Variants in LDLRAD3 observed in about 807,000 individuals in gnomAD.
LDLRAD3 encodes the protein low density lipoprotein receptor class A domain containing 3, also known as low-density lipoprotein receptor class A domain-containing protein 3.
Under a neutral mutation model 29.4 loss-of-function variants are expected in LDLRAD3, and 20 were observed. The observed-to-expected ratio is 0.68, with a 90% CI of 0.48 to 0.99. LDLRAD3 has a LOEUF of 0.99. Among genes scored for constraint, LDLRAD3 ranks in the 50% least tolerant of loss-of-function variants. LDLRAD3 has a pLI of 0.00. For synonymous variants in LDLRAD3, 157 were observed against 192.7 expected, an observed-to-expected ratio of 0.81 and a Z score of 1.53; for missense variants, 420 against 454.3, an observed-to-expected ratio of 0.92 and a Z score of 0.69.
intron 2 of LDLRAD3, among the ~76,000 whole-genome samples, chr11:36,047,066 T>A (rs1451577821): frequency 6.6e-6 from 1 of 152,100 alleles, no homozygotes; most frequent in African/African-American, 2.4e-5. Flanking sequence ...AGGGGGCTGC[T>A]GTGGACTAAG....
At chr11:36,034,887 T>A (rs1176866433) in intron 1 of LDLRAD3, among the ~76,000 whole-genome samples, 2 of 152,206 alleles carry the variant, frequency 1.3e-5, no homozygotes, top group African/African-American at 4.8e-5. Context: ...GATAGTGGCC[T>A]GTAGGAGGAT....
chr11:35,972,432 G>A (rs541727632), intron 1 of LDLRAD3: 23 of 151,768 alleles, frequency 1.5e-4, no homozygotes, highest in Admixed American at 9.2e-4. Flanking sequence ...TTAATCGTTT[G>A]TTTTCAAATT....
At chr11:36,062,969 G>A (rs978470592) in intron 2 of LDLRAD3, among the ~76,000 whole-genome samples, 1 of 152,158 alleles carries the variant, frequency 6.6e-6, no homozygotes, top group African/African-American at 2.4e-5. Context: ...AAGAAAACAG[G>A]AACTGGGAAA....
chr11:36,215,601 C>T (rs772927640), intron 4 of LDLRAD3, among the ~76,000 whole-genome samples: 1 of 152,158 alleles, frequency 6.6e-6, no homozygotes, highest in South Asian at 2.1e-4. Flanking sequence ...AGCCCAGTGT[C>T]TGGAGAACAA....
intron 1 of LDLRAD3, among the ~76,000 whole-genome samples, chr11:35,953,259 G>T (rs1217168479): frequency 6.6e-6 from 1 of 152,170 alleles, no homozygotes; most frequent in Admixed American, 6.5e-5. Context: ...AGCGGCCACG[G>T]GGAGGGAGGG....
chr11:36,130,330 G>A (rs1211094930), intron 4 of LDLRAD3, among the ~76,000 whole-genome samples: 1 of 152,198 alleles, frequency 6.6e-6, no homozygotes, highest in African/African-American at 2.4e-5. Context: ...GGGCTGACGG[G>A]ATAGAACTCA....
chr11:35,993,922 T>A (rs1328448024), intron 1 of LDLRAD3, among the ~76,000 whole-genome samples: 2 of 152,154 alleles, frequency 1.3e-5, no homozygotes, highest in African/African-American at 2.4e-5. Context: ...AATATTTGCT[T>A]CTCCAGGAAG....
At chr11:36,143,049 A>T (rs1854109990) in intron 4 of LDLRAD3, among the ~76,000 whole-genome samples, 1 of 152,266 alleles carries the variant, frequency 6.6e-6, no homozygotes, top group Non-Finnish European at 1.5e-5. Flanking sequence ...GGTAGGCACT[A>T]TGCTAAGTGC....
intron 2 of LDLRAD3, among the ~76,000 whole-genome samples, chr11:36,044,182 C>G (rs1228801052): frequency 6.6e-6 from 1 of 150,594 alleles, no homozygotes; most frequent in Non-Finnish European, 1.5e-5. Flanking sequence ...CACCTATTTT[C>G]TCATCTGTAA....
In LDLRAD3 at chr11:36,076,204, TTGTC is replaced by T. The variant is rs1852996107; in HGVS notation, c.194-5440_194-5437del. On this transcript the variant is annotated intron_variant, in intron 2 of 5. Coordinates refer to ENST00000315571, the MANE Select transcript of LDLRAD3 (RefSeq NM_174902.4). ...CATACACACAAGTCAATATTTATTT[TTGTC>T]TGTCTGTCCATCCGTCCATCCATCC... Among the ~76,000 whole-genome samples the T allele has an allele frequency of 4.2e-5, 6 of 143,866 alleles. No homozygotes were observed. The South Asian group carries it at 6.8e-4, about 16-fold the overall frequency. 94.4% of individuals were successfully genotyped at this position (143,866 alleles called of 152,430 possible).
At chr11:35,967,956 C>T (rs919126406) in intron 1 of LDLRAD3, 1 of 396,300 alleles carries the variant, frequency 2.5e-6, no homozygotes, top group East Asian at 7.0e-5. Context: ...CAGGTGAAAT[C>T]CTGAAAAAGT....
At chr11:35,994,126 G>A (rs754629595) in intron 1 of LDLRAD3, among the ~76,000 whole-genome samples, 2 of 151,794 alleles carry the variant, frequency 1.3e-5, no homozygotes, top group Non-Finnish European at 2.9e-5. Flanking sequence ...GCAGGGTTCC[G>A]GGAGCCTACC....
intron 4 of LDLRAD3, among the ~76,000 whole-genome samples, chr11:36,183,185 A>G (rs966503404): frequency 5.9e-5 from 9 of 152,220 alleles, no homozygotes; most frequent in African/African-American, 2.2e-4. Flanking sequence ...CCCTAGACAC[A>G]CGGTGTTAGT....
chr11:36,067,320 GCTGGATAAT>G (rs1852810736), intron 2 of LDLRAD3, among the ~76,000 whole-genome samples: 1 of 152,062 alleles, frequency 6.6e-6, no homozygotes, highest in Non-Finnish European at 1.5e-5. Flanking sequence ...GTATAATAAT[GCTGGATAAT>G]CTGTAACACT....
chr11:35,956,964 T>C (rs1445807077), intron 1 of LDLRAD3, among the ~76,000 whole-genome samples: 2 of 152,226 alleles, frequency 1.3e-5, no homozygotes, highest in African/African-American at 4.8e-5. Flanking sequence ...CTCGATCTCC[T>C]GACCTCGTGA....
At chr11:36,053,341 A>G (rs1166542399) in intron 2 of LDLRAD3, among the ~76,000 whole-genome samples, 2 of 152,068 alleles carry the variant, frequency 1.3e-5, no homozygotes, top group Admixed American at 1.3e-4. Flanking sequence ...CTATCATAGC[A>G]TGAGAGTACT....
intron 4 of LDLRAD3, among the ~76,000 whole-genome samples, chr11:36,167,268 A>C (rs1474423677): frequency 1.3e-5 from 2 of 152,060 alleles, no homozygotes; most frequent in East Asian, 1.9e-4. Flanking sequence ...CCTTCAACTG[A>C]TTGGATGAGG....
At chr11:35,964,763 G>A (rs1348322577) in intron 1 of LDLRAD3, among the ~76,000 whole-genome samples, 1 of 152,114 alleles carries the variant, frequency 6.6e-6, no homozygotes, top group African/African-American at 2.4e-5. Flanking sequence ...TGAGGTGGGA[G>A]GATCACTTGA....
chr11:36,028,469 A>G (rs1406521711), intron 1 of LDLRAD3, among the ~76,000 whole-genome samples: 1 of 152,132 alleles, frequency 6.6e-6, no homozygotes, highest in Non-Finnish European at 1.5e-5. Context: ...GTAGTTGTCT[A>G]GTGCAGGGAG....
Sources: allele counts gnomAD v4.1 joint callset (sites outside exome capture counted in the v4.1 genomes callset), GRCh38; gene constraint gnomAD v4.1.1; transcripts MANE v1.5; gene names NCBI Gene and HGNC (gene_info 2026-07-23, HGNC 2026-07-21).